The following PRKCZ variants were observed in gnomAD, a reference collection of about 807,000 sequenced individuals.
PRKCZ encodes protein kinase C zeta type.
In PRKCZ, 33 loss-of-function variants were observed where a neutral mutation model predicts 79.5. The ratio of observed to expected loss-of-function variants is 0.41; its 90% CI spans 0.31 to 0.55. The LOEUF is 0.55. PRKCZ is among the 20% of genes least tolerant of loss of function. The probability of loss-of-function intolerance (pLI) is 0.19; values close to 1 mark genes in which losing one functional copy is unlikely to be tolerated. For missense variants in PRKCZ, 578 were observed against 813.5 expected (o/e 0.71, Z 3.52); for synonymous variants, 342 against 320.9 (o/e 1.07, Z -0.70).
At chr1:2,184,277 C>T (rs1172105181) in intron 16 of PRKCZ, 1 of 341,772 alleles carries the variant, frequency 2.9e-6, no homozygotes, top group African/African-American at 2.1e-5. Flanking sequence ...TGTCGGTGCC[C>T]CTCTGAACAA....
rs973077963 is a variant in PRKCZ, at chr1:2,169,451, G to A, written c.975-67G>A. The A allele has an allele frequency of 1.8e-5, 26 of 1,405,460 alleles. No individual in the cohort carries two copies. In the African/African-American group the frequency reaches 3.2e-4, roughly 17 times the overall value. The allele number at this position is 1,405,460 out of a possible 1,614,324, so 87.1% of individuals were successfully genotyped here. On this transcript the variant is annotated intron_variant, in intron 10 of 17. Transcript: ENST00000378567. ...GGGCCCACGAAGGCCGCTTCTGTGG[G>A]GCTTCTGTCTAAGGAGGCCGCCGTC...
Position 2,184,592 on chromosome 1 carries a change from A to C in PRKCZ, c.1585A>C (p.Lys529Gln). 1.2e-6 allele frequency: 2 copies of C among 1,613,744 alleles called. No individual in the cohort carries two copies. Among genetic ancestry groups the C allele is most frequent in the Non-Finnish European group, 1.7e-6 (2 of 1,179,894 alleles). The change falls in exon 17 of 18, where the codon AAG becomes CAG. Residue 529 changes from lysine (K) to glutamine (Q), a missense_variant. Physicochemically the swap from Lys to Gln is moderately conservative, Grantham distance 53. Coordinates refer to ENST00000378567, the MANE Select transcript of PRKCZ (RefSeq NM_002744.6). ...RSIDWDLLEK[K>Q]QALPPFQPQI... ...CTATTGTTTTTCCAAGCTGGAGAAG[A>C]AGCAGGCGCTCCCTCCATTCCAGCC...
At chr1:2,120,777 C>G (rs562088894) in intron 4 of PRKCZ, among the ~76,000 whole-genome samples, 12 of 151,030 alleles carry the variant, frequency 7.9e-5, no homozygotes, top group African/African-American at 2.9e-4. Context: ...ACTCTTAAAT[C>G]TACCCTTTAA....
intron 4 of PRKCZ, among the ~76,000 whole-genome samples, chr1:2,105,208 G>T (rs528835048): frequency 8.5e-5 from 13 of 152,316 alleles, no homozygotes; most frequent in African/African-American, 2.9e-4. Flanking sequence ...CTCTTGCGCT[G>T]TGTACCGGCA....
chr1:2,063,085 C>G (rs1019931895), intron 4 of PRKCZ, among the ~76,000 whole-genome samples: 2 of 152,156 alleles, frequency 1.3e-5, no homozygotes, highest in African/African-American at 4.8e-5. Flanking sequence ...CGCAGCCATG[C>G]GTAGCCTGTG....
intron 4 of PRKCZ, among the ~76,000 whole-genome samples, chr1:2,118,713 C>CTGTGCTCTGTGTG (rs1553153044): frequency 8.3e-6 from 1 of 120,626 alleles, no homozygotes; most frequent in South Asian, 3.2e-4. Flanking sequence ...CACACCAGCT[C>CTGTGCTCTGTGTG]TGTGTGTGTG....
At chr1:2,064,119 T>A (rs945719476) in intron 4 of PRKCZ, among the ~76,000 whole-genome samples, 5 of 152,344 alleles carry the variant, frequency 3.3e-5, no homozygotes, top group African/African-American at 1.2e-4. Flanking sequence ...AATGCTGGGA[T>A]TATAGGCGTG....
intron 16 of PRKCZ, among the ~76,000 whole-genome samples, chr1:2,176,184 G>T (rs1484205519): frequency 2.0e-5 from 3 of 152,164 alleles, no homozygotes; most frequent in African/African-American, 7.2e-5. Flanking sequence ...TATGAGGTCA[G>T]TACTCTCCTG....
chr1:2,145,871 G>C (rs564898250), intron 6 of PRKCZ, among the ~76,000 whole-genome samples, 156 bp from the exon 7 acceptor site: 2 of 152,190 alleles, frequency 1.3e-5, no homozygotes. Flanking sequence ...AGCCGTGATC[G>C]CGCCACTGCT....
intron 5 of PRKCZ, among the ~76,000 whole-genome samples, chr1:2,139,218 AG>A (rs1490669738): frequency 6.6e-6 from 1 of 152,210 alleles, no homozygotes; most frequent in East Asian, 1.9e-4. Flanking sequence ...AATTGTTTAG[AG>A]ATGAGGACAG....
At chr1:2,157,753 C>G (rs1412969120) in intron 10 of PRKCZ, among the ~76,000 whole-genome samples, 1 of 147,506 alleles carries the variant, frequency 6.8e-6, no homozygotes, top group Non-Finnish European at 1.5e-5. Context: ...GGGTCTTGCT[C>G]TGTCGCCCCA....
At chr1:2,080,075 G>A (rs557488878) in intron 4 of PRKCZ, among the ~76,000 whole-genome samples, 2 of 152,310 alleles carry the variant, frequency 1.3e-5, no homozygotes, top group African/African-American at 4.8e-5. Flanking sequence ...TTTGGGGTTC[G>A]GCCCAGTACA....
At chr1:2,059,731 C>G (rs530436794) in intron 4 of PRKCZ, 140 bp downstream of exon 4, 1 of 1,123,184 alleles carries the variant, frequency 8.9e-7, no homozygotes, top group African/African-American at 1.6e-5. Flanking sequence ...CCGTGGTGAC[C>G]GCAGGTGGGG....
chr1:2,184,512 C>A (rs1231573434), intron 16 of PRKCZ, 71 bp from the exon 17 acceptor site: 4 of 1,086,430 alleles, frequency 3.7e-6, no homozygotes, highest in Admixed American at 4.5e-5. Flanking sequence ...GATTGAAGTG[C>A]GTGCAAAACA....
At chr1:2,153,407 G>C (rs1680290604) in intron 9 of PRKCZ, among the ~76,000 whole-genome samples, 1 of 152,248 alleles carries the variant, frequency 6.6e-6, no homozygotes, top group Admixed American at 6.5e-5. Context: ...CCACAGAGGG[G>C]GTCCCTCCTC....
rs1424696651 is a variant in PRKCZ, at chr1:2,123,472, TGTG to T, written c.335-11784_335-11782del. On this transcript the variant is annotated intron_variant, in intron 4 of 17. Transcript: ENST00000378567. ...TGGTTAGGGTTGTGGTGGTTAGGGT[TGTG>T]GTGGTTAGGGTTGTGGTGGTTAGGG... 6.0e-4 allele frequency among the ~76,000 whole-genome samples: 4 copies of T among 6,680 alleles called. 2 individuals carry two copies. Among genetic ancestry groups the T allele is most frequent in the Non-Finnish European group, 8.9e-4 (4 of 4,480 alleles). 4.4% of individuals were successfully genotyped at this position (6,680 alleles called of 152,430 possible).
At chr1:2,124,551 C>G (rs1217874293) in intron 4 of PRKCZ, among the ~76,000 whole-genome samples, 2 of 152,090 alleles carry the variant, frequency 1.3e-5, no homozygotes, top group Non-Finnish European at 2.9e-5. Flanking sequence ...CGCCAGCAAG[C>G]AAGGAGATAC....
Position 2,173,767 on chromosome 1 carries a change from GCCTGTGT to G in PRKCZ, c.1286-129_1286-123del, listed in dbSNP as rs969881769. 3 of 1,332,022 alleles carry G rather than the reference GCCTGTGT, an allele frequency of 2.3e-6. No individual in the cohort carries two copies. The African/African-American group carries it at 4.5e-5, about 20-fold the overall frequency. The allele number at this position is 1,332,022 out of a possible 1,614,324, so 82.5% of individuals were successfully genotyped here. ...TGTTTGGGAAGTGGAAGTCACAGAG[GCCTGTGT>G]GCCGCCTGCTCAAGCCTGGCTCACA... On this transcript the variant is annotated intron_variant, in intron 13 of 17. Coordinates refer to ENST00000378567, the MANE Select transcript of PRKCZ (RefSeq NM_002744.6). This position sits in a 1 kb window ranked among gnomAD's most constrained non-coding sequence, Gnocchi z 5.7.
chr1:2,070,960 G>A (rs1661524488), intron 4 of PRKCZ, among the ~76,000 whole-genome samples: 1 of 151,170 alleles, frequency 6.6e-6, no homozygotes, highest in East Asian at 1.9e-4. Context: ...AGGGCAGAGA[G>A]GGGTCCTTGG....
Sources: gnomAD v4.1 joint callset for allele counts (sites outside exome capture counted in the v4.1 genomes callset) on GRCh38, gnomAD v4.1.1 for gene constraint, Gnocchi (gnomAD v3.1) non-coding constraint, MANE v1.5 for transcripts, NCBI Gene and HGNC (gene_info 2026-07-23, HGNC 2026-07-21) for gene names.